OPN5: variants seen among roughly 807,000 people sequenced by gnomAD.
OPN5 encodes opsin 5, also known as opsin-5.
Under a neutral mutation model 41.7 loss-of-function variants are expected in OPN5, and 18 were observed. The observed-to-expected ratio is 0.43, with a 90% CI of 0.30 to 0.64. OPN5 has a LOEUF of 0.64. Ranked by LOEUF, OPN5 falls within the 30% of genes least tolerant of loss-of-function variation. The probability of loss-of-function intolerance (pLI) is 0.13; values close to 1 mark genes in which losing one functional copy is unlikely to be tolerated. For missense variants in OPN5, 318 were observed against 434.5 expected, an observed-to-expected ratio of 0.73 and a Z score of 2.38; for synonymous variants, 178 against 164.3, an observed-to-expected ratio of 1.08 and a Z score of -0.64.
exon 4 of OPN5, chr6:47,795,385 C>T (rs1403207027): frequency 1.9e-6 from 3 of 1,614,122 alleles, no homozygotes; most frequent in Non-Finnish European, 1.7e-6. Context: ...GCCCAGGCCT[C>T]GGTAGGGGGC....
intron 6 of OPN5, among the ~76,000 whole-genome samples, chr6:47,812,118 G>C (rs1399922567): frequency 1.3e-5 from 2 of 152,044 alleles, no homozygotes; most frequent in African/African-American, 4.8e-5. Context: ...GCAGTTTCTG[G>C]GGCTCATTCA....
At chr6:47,795,086 C>T (rs181174389) in intron 3 of OPN5, 143 bp from the exon 4 acceptor site, 4 of 653,740 alleles carry the variant, frequency 6.1e-6, no homozygotes, top group African/African-American at 5.4e-5. Flanking sequence ...GTTTACTCCA[C>T]TCTCCCTCAG....
chr6:47,795,470 G>A (rs1561893674), exon 4 of OPN5: 1 of 1,614,144 alleles, frequency 6.2e-7, no homozygotes, highest in South Asian at 1.1e-5. Context: ...CCTACGTAAA[G>A]ATCATTGCCA....
At chr6:47,786,468 C>G in intron 1 of OPN5, 47 bp from the exon 2 acceptor site, 1 of 1,564,656 alleles carries the variant, frequency 6.4e-7, no homozygotes, top group East Asian at 2.3e-5. Context: ...TCTGAGTGAA[C>G]TCGAAATCTT....
Position 47,784,871 on chromosome 6 carries a change from G to A in OPN5, c.131-1644G>A, listed in dbSNP as rs182243732. On this transcript the variant is annotated intron_variant, in intron 1 of 6. Coordinates refer to ENST00000371211, the Ensembl canonical transcript of OPN5. Reference sequence around the variant, plus strand: ...GATAATCTAAAAGTGTCCCCACTTTGGTCTTTATCTTCTTAATCTGGTTGT... The same window carrying A: ...GATAATCTAAAAGTGTCCCCACTTTAGTCTTTATCTTCTTAATCTGGTTGT... Among the ~76,000 whole-genome samples, 293 of 152,010 alleles carry A rather than the reference G, an allele frequency of 1.9e-3. 2 individuals are homozygous for A. Among genetic ancestry groups the A allele is most frequent in the African/African-American group, 6.8e-3 (282 of 41,448 alleles).
chr6:47,815,945 C>T (rs894432338), intron 6 of OPN5, among the ~76,000 whole-genome samples: 8 of 152,006 alleles, frequency 5.3e-5, no homozygotes, highest in Admixed American at 5.3e-4. Flanking sequence ...TACTTTGAAC[C>T]CTCTTTCCTT....
intron 6 of OPN5, among the ~76,000 whole-genome samples, chr6:47,813,439 A>G (rs1762325024): frequency 6.6e-6 from 1 of 152,212 alleles, no homozygotes; most frequent in South Asian, 2.1e-4. Flanking sequence ...CTGGGTACCA[A>G]CAACTGCTCT....
At chr6:47,804,453 T>G (rs1051824389) in intron 4 of OPN5, among the ~76,000 whole-genome samples, 1 of 152,146 alleles carries the variant, frequency 6.6e-6, no homozygotes, top group Non-Finnish European at 1.5e-5. Context: ...AACAGACTGA[T>G]GAAAAGATTA....
chr6:47,795,573 C>T lies in OPN5; in HGVS notation c.756+10C>T. ...AATGAAACTGACAAAGGTAAGTGCA[C>T]TAATATTTTACACATGTGTTTTCTG... On this transcript the variant is annotated intron_variant, in intron 4 of 6. Transcript: ENST00000371211. The T allele has an allele frequency of 6.3e-7, 1 of 1,593,686 alleles. No homozygotes were observed. Among genetic ancestry groups the T allele is most frequent in the Non-Finnish European group, 8.6e-7 (1 of 1,161,978 alleles).
chr6:47,794,355 C>T (rs765793862), intron 3 of OPN5, among the ~76,000 whole-genome samples: 3 of 152,130 alleles, frequency 2.0e-5, no homozygotes, highest in South Asian at 2.1e-4. Flanking sequence ...CCTCTTCGTT[C>T]GAGGTGATGA....
chr6:47,817,841 C>G (rs1037573205), intron 6 of OPN5, among the ~76,000 whole-genome samples: 1 of 152,050 alleles, frequency 6.6e-6, no homozygotes, highest in Non-Finnish European at 1.5e-5. Context: ...GGGACACTCT[C>G]TAAGGTATGT....
At chr6:47,786,207 C>T (rs2113947260) in intron 1 of OPN5, among the ~76,000 whole-genome samples, 1 of 152,260 alleles carries the variant, frequency 6.6e-6, no homozygotes, top group South Asian at 2.1e-4. Flanking sequence ...GAGGAAAGTA[C>T]TCCACTCTGG....
chr6:47,798,685 G>A (rs115073783), intron 4 of OPN5, among the ~76,000 whole-genome samples: 75 of 151,890 alleles, frequency 4.9e-4, no homozygotes, highest in African/African-American at 1.6e-3. Context: ...TGCAGAAAAT[G>A]TAAGACAAAA....
chr6:47,798,606 AT>A (rs1443710300), intron 4 of OPN5, among the ~76,000 whole-genome samples: 4 of 151,024 alleles, frequency 2.6e-5, no homozygotes, highest in African/African-American at 9.7e-5. Flanking sequence ...ATATGTCTAT[AT>A]TTCATTTATT....
chr6:47,811,479 A>C (rs1774201941), intron 5 of OPN5, among the ~76,000 whole-genome samples, 195 bp from the exon 6 acceptor site: 1 of 151,636 alleles, frequency 6.6e-6, no homozygotes, highest in African/African-American at 2.4e-5. Context: ...TTTTTGGAAA[A>C]CTCTGCCCAA....
chr6:47,799,141 T>C (rs1773674509), intron 4 of OPN5, among the ~76,000 whole-genome samples: 1 of 151,838 alleles, frequency 6.6e-6, no homozygotes, highest in Non-Finnish European at 1.5e-5. Flanking sequence ...AATGATGGTT[T>C]TGCTAGACTT....
intron 4 of OPN5, among the ~76,000 whole-genome samples, chr6:47,806,211 C>T (rs149016980): frequency 1.2e-3 from 185 of 152,128 alleles, no homozygotes; most frequent in African/African-American, 4.2e-3. Context: ...TGTCTTACTA[C>T]GCAGAAGACA....
chr6:47,794,141 C>A (rs1773471461), intron 3 of OPN5, among the ~76,000 whole-genome samples: 1 of 152,156 alleles, frequency 6.6e-6, no homozygotes, highest in Non-Finnish European at 1.5e-5. Context: ...AACCCATATG[C>A]AATATAGTCT....
intron 4 of OPN5, among the ~76,000 whole-genome samples, chr6:47,802,848 A>C (rs984756324): frequency 6.6e-6 from 1 of 152,176 alleles, no homozygotes; most frequent in African/African-American, 2.4e-5. Flanking sequence ...GACCTAATTT[A>C]CTGCCTCTCT....
Sources: gnomAD v4.1 joint callset for allele counts (sites outside exome capture counted in the v4.1 genomes callset) on GRCh38, gnomAD v4.1.1 for gene constraint, MANE v1.5 for transcripts, NCBI Gene and HGNC (gene_info 2026-07-23, HGNC 2026-07-21) for gene names.